The following DNAI2 variants were observed in gnomAD, a reference collection of about 807,000 sequenced individuals.
DNAI2 encodes dynein axonemal intermediate chain 2.
Under a neutral mutation model 74.7 loss-of-function variants are expected in DNAI2, and 63 were observed. The ratio of observed to expected loss-of-function variants is 0.84; its 90% CI spans 0.69 to 1.04. The LOEUF (loss-of-function observed/expected upper bound fraction) is 1.04. Ranked by LOEUF, DNAI2 falls within the 50% of genes least tolerant of loss-of-function variation. The pLI, the probability that DNAI2 is intolerant of heterozygous loss-of-function variation, is 0.00. For synonymous variants in DNAI2, 289 were observed against 314.9 expected, an observed-to-expected ratio of 0.92 and a Z score of 0.87; for missense variants, 688 against 803.2, an observed-to-expected ratio of 0.86 and a Z score of 1.73.
chr17:74,293,690 C>T (rs182201411), intron 6 of DNAI2, among the ~76,000 whole-genome samples: 5 of 151,124 alleles, frequency 3.3e-5, no homozygotes, highest in Admixed American at 6.6e-5. Flanking sequence ...GGTGACAGAG[C>T]GAGACTCCAT....
At chr17:74,287,562 A>AT (rs2051827591) in intron 4 of DNAI2, among the ~76,000 whole-genome samples, 1 of 152,188 alleles carries the variant, frequency 6.6e-6, no homozygotes. Context: ...CAGAGGGTGT[A>AT]TGCCAGCCAA....
chr17:74,278,163 C>A (rs1218886579), intron 1 of DNAI2, among the ~76,000 whole-genome samples: 2 of 152,044 alleles, frequency 1.3e-5, no homozygotes, highest in African/African-American at 4.8e-5. Flanking sequence ...CGAAAATGGG[C>A]TCATGCCTAT....
chr17:74,279,937 C>T (rs1200802900), intron 1 of DNAI2, among the ~76,000 whole-genome samples: 2 of 152,198 alleles, frequency 1.3e-5, no homozygotes, highest in African/African-American at 2.4e-5. Flanking sequence ...ATCTTTTGTC[C>T]TAAGGCTCTG....
chr17:74,301,929 AGG>A (rs1321114324), intron 8 of DNAI2, among the ~76,000 whole-genome samples: 6 of 19,456 alleles, frequency 3.1e-4, no homozygotes, highest in African/African-American at 2.1e-4. Flanking sequence ...GAAGGAAGGA[AGG>A]AAGGAAGGAA....
At position 74,304,329 on chromosome 17, in the gene DNAI2, A is replaced by C. The variant is rs532986830; in HGVS notation, c.988-890A>C. Among the ~76,000 whole-genome samples, 522 of 150,952 alleles carry C rather than the reference A, an allele frequency of 3.5e-3. 4 individuals are homozygous for C. Among genetic ancestry groups the C allele is most frequent in the African/African-American group, 0.011 (472 of 41,096 alleles). On this transcript the variant is annotated intron_variant, in intron 8 of 13. Transcript: ENST00000311014. ...GGGGCAGGTTCACCAGCTGCAGAGG[A>C]CATCTGAGCCCGTTGACAAAGGCCC... is the stretch of plus-strand genomic sequence containing the variant.
intron 2 of DNAI2, 131 bp from the exon 3 acceptor site, chr17:74,284,909 A>C (rs2051617059): frequency 9.3e-6 from 11 of 1,180,872 alleles, no homozygotes; most frequent in African/African-American, 1.5e-5. Flanking sequence ...GCATTTGAAA[A>C]TACTGTGGCT....
At chr17:74,312,332 G>A (rs1449403128) in intron 12 of DNAI2, 102 bp downstream of exon 12, 2 of 898,190 alleles carry the variant, frequency 2.2e-6, no homozygotes, top group African/African-American at 1.6e-5. Flanking sequence ...CCTTGAGCAA[G>A]TAGTCTTACC....
At chr17:74,287,681 A>G (rs372958277) in intron 4 of DNAI2, among the ~76,000 whole-genome samples, 4 of 152,208 alleles carry the variant, frequency 2.6e-5, no homozygotes, top group African/African-American at 4.8e-5. Context: ...CAGTCTGGGC[A>G]TGGTGGCTCA....
chr17:74,309,510 T>TG, intron 10 of DNAI2, 122 bp downstream of exon 10: 1 of 1,396,832 alleles, frequency 7.2e-7, no homozygotes, highest in Non-Finnish European at 1.0e-6. Context: ...TGGGCCTCTG[T>TG]GGGGGAGCCG....
At chr17:74,297,328 G>C (rs1248786038) in intron 6 of DNAI2, among the ~76,000 whole-genome samples, 1 of 151,154 alleles carries the variant, frequency 6.6e-6, no homozygotes, top group East Asian at 2.0e-4. Flanking sequence ...TCTTGACCTC[G>C]TGATCTGCCT....
chr17:74,289,279 C>T (rs2051934602), intron 4 of DNAI2, among the ~76,000 whole-genome samples: 1 of 152,206 alleles, frequency 6.6e-6, no homozygotes, highest in African/African-American at 2.4e-5. Flanking sequence ...ATAATCTTAG[C>T]ACTTTGGGAG....
At chr17:74,309,106 G>A (rs1334059124) in intron 9 of DNAI2, 147 bp from the exon 10 acceptor site, 8 of 838,688 alleles carry the variant, frequency 9.5e-6, no homozygotes, top group Non-Finnish European at 1.6e-5. Flanking sequence ...GGATGAGTGA[G>A]GTCAGCACAG....
At chr17:74,314,358 C>G in intron 13 of DNAI2, 87 bp downstream of exon 13, 1 of 1,530,066 alleles carries the variant, frequency 6.5e-7, no homozygotes, top group Non-Finnish European at 9.0e-7. Flanking sequence ...GCCCTGACTC[C>G]CCAGCCCCTA....
chr17:74,298,681 C>T (rs1236667349), intron 6 of DNAI2, among the ~76,000 whole-genome samples: 1 of 152,148 alleles, frequency 6.6e-6, no homozygotes, highest in Non-Finnish European at 1.5e-5. Context: ...TGGCTCACTG[C>T]AGCCTCAACC....
intron 5 of DNAI2, among the ~76,000 whole-genome samples, 160 bp from the exon 6 acceptor site, chr17:74,290,860 G>A (rs573347299): frequency 1.3e-5 from 2 of 152,336 alleles, no homozygotes; most frequent in East Asian, 3.9e-4. Context: ...TTCTGGCCAA[G>A]GTGGACCAGG....
intron 4 of DNAI2, among the ~76,000 whole-genome samples, chr17:74,288,117 A>G (rs2051861082): frequency 6.6e-6 from 1 of 152,196 alleles, no homozygotes; most frequent in Non-Finnish European, 1.5e-5. Context: ...TTGTCTTTGC[A>G]AGGCTGCAAA....
At position 74,281,865 on chromosome 17, in the gene DNAI2, G is replaced by A. The variant is rs2143874054; in HGVS notation, c.48G>A (p.Lys16=). The change falls in exon 2 of 14, where the codon AAG becomes AAA. Residue 16 remains lysine (K), a synonymous_variant. Transcript: ENST00000311014. ...VYVKKRSEFG[K]QCNFSDRQAE... is the part of the protein sequence containing the mutation. ...TCAAGAAGCGCAGCGAGTTCGGGAA[G>A]CAGTGCAATTTCTCGGACCGCCAGG... The A allele has an allele frequency of 6.2e-7, 1 of 1,614,172 alleles. No homozygotes were observed. Among genetic ancestry groups the A allele is most frequent in the East Asian group, 2.2e-5 (1 of 44,878 alleles).
chr17:74,301,796 C>T (rs1261006467), intron 8 of DNAI2, among the ~76,000 whole-genome samples: 1 of 136,636 alleles, frequency 7.3e-6, no homozygotes, highest in Admixed American at 7.6e-5. Context: ...CCCGCCCAGT[C>T]TTTACCAAGA....
intron 8 of DNAI2, 109 bp from the exon 9 acceptor site, chr17:74,305,110 G>A: frequency 1.8e-6 from 2 of 1,111,416 alleles, no homozygotes; most frequent in Non-Finnish European, 2.7e-6. Flanking sequence ...CTTGATCTGA[G>A]GGCCTTTCTA....
Sources: gnomAD v4.1 joint callset for allele counts (sites outside exome capture counted in the v4.1 genomes callset) on GRCh38, gnomAD v4.1.1 for gene constraint, MANE v1.5 for transcripts, NCBI Gene and HGNC (gene_info 2026-07-23, HGNC 2026-07-21) for gene names.